Variants in MGAM2 observed in about 807,000 individuals in gnomAD.
MGAM2 encodes the protein probable maltase-glucoamylase 2.
Under a neutral mutation model 96.1 loss-of-function variants are expected in MGAM2, and 98 were observed. That is an observed-to-expected ratio of 1.02 (90% CI 0.87 to 1.21). The LOEUF (loss-of-function observed/expected upper bound fraction) is 1.21, where lower values mean the gene tolerates loss of function less well. Ranked by LOEUF, MGAM2 falls within the 50% of genes most tolerant of loss-of-function variation. The pLI is 0.00. For missense variants in MGAM2, 2,055 were observed against 1,182.4 expected (o/e 1.74, Z -10.82); for synonymous variants, 749 against 414.8 (o/e 1.81, Z -9.79).
At position 142,187,805 on chromosome 7, in the gene MGAM2, A is replaced by G. The variant is rs776016503; in HGVS notation, c.4178A>G (p.Glu1393Gly). The change falls in exon 36 of 48, where the codon GAA (glutamate) becomes GGA (glycine). Residue 1393 changes from glutamate (E) to glycine (G), a missense_variant. Transcript: ENST00000477922. ...GGATCTGTCAGGGGCTGCAGCAATG[A>G]AATGCTAAATAACCCACCCTATATG... ...VDGSVRGCSN[E>G]MLNNPPYMPY... 2.8e-6 allele frequency: 2 copies of G among 702,816 alleles called. No homozygotes were observed. The highest frequency in any genetic ancestry group is 3.0e-5 in the South Asian group (2 of 67,578). The allele number at this position is 702,816 out of a possible 1,614,324, so 43.5% of individuals were successfully genotyped here. A position where few individuals can be genotyped will look rare whatever the true frequency, so the allele number is the denominator to read the frequency against.
At chr7:142,138,223 A>G (rs531677926) in intron 9 of MGAM2, among the ~76,000 whole-genome samples, 1 of 152,214 alleles carries the variant, frequency 6.6e-6, no homozygotes, top group African/African-American at 2.4e-5. Context: ...GCTCTGTGCC[A>G]CTATATTCCA....
intron 46 of MGAM2, among the ~76,000 whole-genome samples, chr7:142,213,046 A>G (rs1443178930): frequency 6.6e-6 from 1 of 152,240 alleles, no homozygotes; most frequent in Non-Finnish European, 1.5e-5. Flanking sequence ...AAAACCACAC[A>G]ACTACAGGGA....
intron 23 of MGAM2, among the ~76,000 whole-genome samples, chr7:142,162,549 T>A (rs1585176422): frequency 6.6e-6 from 1 of 152,040 alleles, no homozygotes; most frequent in African/African-American, 2.4e-5. Context: ...AGAAGCCTGA[T>A]CATATATGGG....
At chr7:142,130,179 T>TA (rs769141188) in intron 3 of MGAM2, among the ~76,000 whole-genome samples, 3 of 152,174 alleles carry the variant, frequency 2.0e-5, no homozygotes, top group African/African-American at 4.8e-5. Flanking sequence ...ATGTGATTTG[T>TA]TTTTGCCTTG....
intron 35 of MGAM2, among the ~76,000 whole-genome samples, chr7:142,186,422 C>T (rs944500954): frequency 1.3e-5 from 2 of 152,166 alleles, no homozygotes; most frequent in Non-Finnish European, 2.9e-5. Context: ...GCCAATATCA[C>T]CCACTGGCCA....
chr7:142,128,498 C>T (rs958120543), intron 3 of MGAM2, among the ~76,000 whole-genome samples: 1 of 152,224 alleles, frequency 6.6e-6, no homozygotes, highest in Non-Finnish European at 1.5e-5. Flanking sequence ...CCTCCCATCA[C>T]AGGCCAGGAA....
At chr7:142,191,673 T>C (rs1425413715) in intron 37 of MGAM2, among the ~76,000 whole-genome samples, 1 of 152,158 alleles carries the variant, frequency 6.6e-6, no homozygotes, top group Non-Finnish European at 1.5e-5. Context: ...TCCAATTTTT[T>C]TTTCAAGATT....
intron 25 of MGAM2, 55 bp from the exon 26 acceptor site, chr7:142,167,213 T>G: frequency 6.4e-6 from 4 of 627,404 alleles, no homozygotes; most frequent in Non-Finnish European, 8.6e-6. Context: ...TCTTCAGTAA[T>G]GAGAGCCTTA....
Position 142,197,403 on chromosome 7 carries a change from C to G in MGAM2, c.4636C>G (p.Gln1546Glu), listed in dbSNP as rs7776662. Residue 1546 changes from glutamine (Q) to glutamate (E), a missense_variant, in exon 41 of 48, where the codon CAA (glutamine) becomes GAA (glutamate). Coordinates refer to ENST00000477922, the MANE Select transcript of MGAM2 (RefSeq NM_001293626.2). ...ATATGCTTCTTTATCCTTACAGAGA[C>G]AAGATCCTGTGGCCTGGAATTCAAC... ...RNHNNIGTRR[Q>E]DPVAWNSTFE... 1,557 of 702,930 alleles carry G rather than the reference C, an allele frequency of 2.2e-3. 17 individuals are homozygous for G. The African/African-American group carries it at 0.024, about 11-fold the overall frequency. 43.5% of individuals were successfully genotyped at this position (702,930 alleles called of 1,614,324 possible). A position where few individuals can be genotyped will look rare whatever the true frequency, so the allele number is the denominator to read the frequency against.
chr7:142,173,043 C>T (rs546607411), intron 30 of MGAM2, among the ~76,000 whole-genome samples, 186 bp from the exon 31 acceptor site: 1 of 152,240 alleles, frequency 6.6e-6, no homozygotes, highest in African/African-American at 2.4e-5. Flanking sequence ...TACAGAAAAA[C>T]TTCAATTACG....
chr7:142,201,426 A>T (rs1797229704), intron 45 of MGAM2, among the ~76,000 whole-genome samples: 1 of 152,102 alleles, frequency 6.6e-6, no homozygotes, highest in South Asian at 2.1e-4. Flanking sequence ...ACGTCCATAG[A>T]GTAGATTCCT....
intron 3 of MGAM2, among the ~76,000 whole-genome samples, chr7:142,128,313 G>A (rs982420229): frequency 2.0e-5 from 3 of 152,154 alleles, no homozygotes; most frequent in Non-Finnish European, 4.4e-5. Context: ...GGGAAGTAGA[G>A]TATAAAAGTT....
chr7:142,147,880 C>G (rs1279454481), intron 15 of MGAM2, among the ~76,000 whole-genome samples: 1 of 146,358 alleles, frequency 6.8e-6, no homozygotes, highest in African/African-American at 2.5e-5. Flanking sequence ...ACTGAATGCA[C>G]TAGGATTGCT....
At chr7:142,156,067 C>G (rs1795726570) in intron 17 of MGAM2, among the ~76,000 whole-genome samples, 1 of 152,010 alleles carries the variant, frequency 6.6e-6, no homozygotes, top group Non-Finnish European at 1.5e-5. Context: ...ATCTCTTGAA[C>G]CGGGGAGGCA....
intron 6 of MGAM2, among the ~76,000 whole-genome samples, chr7:142,133,269 T>C (rs1794960354): frequency 6.9e-6 from 1 of 145,330 alleles, no homozygotes; most frequent in African/African-American, 2.5e-5. Flanking sequence ...TAAAATTTAA[T>C]AATATATATT....
intron 35 of MGAM2, among the ~76,000 whole-genome samples, chr7:142,187,165 G>T (rs185197151): frequency 1.2e-4 from 18 of 152,286 alleles, no homozygotes; most frequent in Non-Finnish European, 2.4e-4. Flanking sequence ...ATTCCCCAAA[G>T]TATGTTTTTA....
intron 32 of MGAM2, among the ~76,000 whole-genome samples, chr7:142,178,417 A>G (rs923589952): frequency 5.9e-5 from 9 of 152,166 alleles, no homozygotes; most frequent in Non-Finnish European, 1.0e-4. Context: ...GGACTTTGCC[A>G]TGAATTATTT....
At position 142,166,364 on chromosome 7, in the gene MGAM2, C is replaced by G. The variant is rs1254684536; in HGVS notation, c.2808+111C>G. On this transcript the variant is annotated intron_variant, in intron 25 of 47. Coordinates refer to ENST00000477922, the MANE Select transcript of MGAM2 (RefSeq NM_001293626.2). ...AAAACCAGGACCCTGTGCAACACGC[C>G]TTTTGCCAACTCTACATGATAGGTC... 8.8e-6 allele frequency: 5 copies of G among 565,968 alleles called. No homozygotes were observed. The East Asian group carries it at 1.5e-4, about 17-fold the overall frequency. The allele number at this position is 565,968 out of a possible 1,614,324, so 35.1% of individuals were successfully genotyped here. A position where few individuals can be genotyped will look rare whatever the true frequency, so the allele number is the denominator to read the frequency against.
intron 47 of MGAM2, among the ~76,000 whole-genome samples, chr7:142,219,190 C>A (rs146120852): frequency 6.6e-6 from 1 of 152,014 alleles, no homozygotes; most frequent in Non-Finnish European, 1.5e-5. Flanking sequence ...AACATAAATA[C>A]GGAACCAGCA....
Sources: allele counts gnomAD v4.1 joint callset (sites outside exome capture counted in the v4.1 genomes callset), GRCh38; gene constraint gnomAD v4.1.1; transcripts MANE v1.5; gene names NCBI Gene and HGNC (gene_info 2026-07-23, HGNC 2026-07-21).